Variants in FLNC observed in about 807,000 individuals in gnomAD.
The protein encoded by FLNC is filamin C.
Under a neutral mutation model 254.3 loss-of-function variants are expected in FLNC, and 91 were observed. The observed-to-expected ratio is 0.36, with a 90% CI of 0.30 to 0.43. The LOEUF (loss-of-function observed/expected upper bound fraction) is 0.43, where lower values mean the gene tolerates loss of function less well. Ranked by LOEUF, FLNC falls within the 20% of genes least tolerant of loss-of-function variation. FLNC has a pLI of 1.00. For synonymous variants in FLNC, 1,430 were observed against 1,577.2 expected (o/e 0.91, Z 2.21); for missense variants, 2,853 against 3,802.6 (o/e 0.75, Z 6.57).
At chr7:128,851,710 C>G (rs1808824629) in intron 35 of FLNC, 82 bp downstream of exon 35, 1 of 1,463,246 alleles carries the variant, frequency 6.8e-7, no homozygotes, top group East Asian at 2.3e-5. Context: ...CCAGCCCGTT[C>G]AAGTCACTCG....
chr7:128,857,166 C>A lies in FLNC; in HGVS notation c.7610C>A (p.Ala2537Asp), dbSNP rs1394723230. 1 of 1,614,068 alleles carries A rather than the reference C, an allele frequency of 6.2e-7. No homozygotes were observed. The highest frequency in any genetic ancestry group is 8.5e-7 in the Non-Finnish European group (1 of 1,180,024). ...AACACCCTGAATGCCGGCTCGGGGGCCTTGTCTGTCACCATTGATGGCCCC... is the reference window on the plus strand; with the variant it reads ...AACACCCTGAATGCCGGCTCGGGGGACTTGTCTGTCACCATTGATGGCCCC... ...IVNTLNAGSG[A>D]LSVTIDGPSK... Residue 2537 changes from alanine to aspartate, a missense_variant, in exon 46 of 48, where the codon GCC becomes GAC. By Grantham distance (126) the Ala-to-Asp change is moderately radical. Coordinates refer to ENST00000325888, the MANE Select transcript of FLNC (RefSeq NM_001458.5). This position sits in a 1 kb window ranked among gnomAD's most constrained non-coding sequence, Gnocchi z 4.5.
Position 128,850,915 on chromosome 7 carries a change from G to T in FLNC, c.5511G>T (p.Gly1837=). 6.2e-7 allele frequency: 1 copy of T among 1,611,978 alleles called. No homozygotes were observed. The highest frequency in any genetic ancestry group is 8.5e-7 in the Non-Finnish European group (1 of 1,178,932). Residue 1837 remains glycine (G), a synonymous_variant, in exon 33 of 48, where the codon GGG becomes GGT. Coordinates refer to ENST00000325888, the MANE Select transcript of FLNC (RefSeq NM_001458.5). ...APTEKGLHQM[G]IKYDGNHIPG... is the part of the protein sequence containing the mutation. ...CTGAGAAAGGCCTGCACCAGATGGG[G>T]ATCAAGTATGACGGCAACCACATCC...
chr7:128,847,035 G>A, intron 24 of FLNC, 130 bp downstream of exon 24: 1 of 1,201,970 alleles, frequency 8.3e-7, no homozygotes, highest in Non-Finnish European at 1.2e-6. Flanking sequence ...AGTGGGTTGG[G>A]GCCGGAGCCC....
rs2128938504 is a variant in FLNC at position 128,851,631 on chromosome 7, G to A, written c.5842+3G>A. The A allele has an allele frequency of 1.9e-6, 3 of 1,613,730 alleles. No individual in the cohort carries two copies. The highest frequency in any genetic ancestry group is 1.3e-5 in the African/African-American group (1 of 75,064). On this transcript the variant is annotated splice_donor_region_variant and intron_variant, in intron 35 of 47. Coordinates refer to ENST00000325888, the MANE Select transcript of FLNC (RefSeq NM_001458.5). ...CCCCTTCACAGCCAAGATCACAGGT[G>A]AGGCGGGTGTATGGGCATGTACAGC...
Position 128,857,428 on chromosome 7 carries a change from C to T in FLNC, c.7780+92C>T. ...CCACGCACATCTAGGCCATAGTCTG[C>T]CCCCAGACATCATGGTCAGTTTACC... On this transcript the variant is annotated intron_variant, in intron 46 of 47. Transcript: ENST00000325888. This position sits in a 1 kb window ranked among gnomAD's most constrained non-coding sequence, Gnocchi z 4.5. 2.6e-6 allele frequency: 2 copies of T among 771,300 alleles called. No individual in the cohort carries two copies. The highest frequency in any genetic ancestry group is 4.5e-6 in the Non-Finnish European group (2 of 447,082). 47.8% of individuals were successfully genotyped at this position (771,300 alleles called of 1,614,324 possible). A position where few individuals can be genotyped will look rare whatever the true frequency, so the allele number is the denominator to read the frequency against.
chr7:128,856,346 G>A lies in FLNC; in HGVS notation c.7252-172G>A, dbSNP rs777976506. 3.3e-5 allele frequency among the ~76,000 whole-genome samples: 5 copies of A among 152,210 alleles called. No individual in the cohort carries two copies. The highest frequency in any genetic ancestry group is 2.4e-5 in the African/African-American group (1 of 41,438). ...AGGTGCACACATAGGGTTGCATACCGGACCCTGGCTCCTCCTGCTCCCAGG... is the reference window on the plus strand; with the variant it reads ...AGGTGCACACATAGGGTTGCATACCAGACCCTGGCTCCTCCTGCTCCCAGG... On this transcript the variant is annotated intron_variant, in intron 43 of 47. Transcript: ENST00000325888. This position sits in a 1 kb window ranked among gnomAD's most constrained non-coding sequence, Gnocchi z 5.9.
In FLNC at chr7:128,849,392, G is replaced by T. The variant is rs758959929; in HGVS notation, c.5013G>T (p.Lys1671Asn). 12 of 1,614,044 alleles carry T rather than the reference G, an allele frequency of 7.4e-6. No individual in the cohort carries two copies. Among genetic ancestry groups the T allele is most frequent in the Non-Finnish European group, 1.0e-5 (12 of 1,180,042 alleles). The change falls in exon 30 of 48, where the codon AAG (lysine) becomes AAT (asparagine). Residue 1671 changes from lysine to asparagine, a missense_variant. Lys to Asn is a moderately conservative substitution (Grantham distance 94). This residue lies in a region of FLNC where 258 missense variants were observed against 312.3 expected (regional missense o/e 0.83). Transcript: ENST00000325888. ...AGACGGTGATCACGGTGGATGCCAA[G>T]GCAGCCGGTGAGGGGAAGGTGACAT... The part of the protein sequence containing the change: ...GQETVITVDA[K>N]AAGEGKVTCT...
chr7:128,843,822 T>C lies in FLNC; in HGVS notation c.2838T>C (p.Tyr946=), dbSNP rs769390195. 2.5e-6 allele frequency: 4 copies of C among 1,613,776 alleles called. No homozygotes were observed. The highest frequency in any genetic ancestry group is 2.2e-5 in the East Asian group (1 of 44,900). Reference sequence around the variant, plus strand: ...GCAACATGGCAGTGACAGTGACTTATGGCGGGGACCCTGTCCCCAAGAGCC... The same window carrying C: ...GCAACATGGCAGTGACAGTGACTTACGGCGGGGACCCTGTCCCCAAGAGCC... ...QQGNMAVTVT[Y]GGDPVPKSPF... Residue 946 remains tyrosine (Y), a synonymous_variant, in exon 19 of 48, where the codon TAT becomes TAC. Transcript: ENST00000325888.
In FLNC at chr7:128,851,019, T is replaced by C; in HGVS notation, c.5539+76T>C. ...TAGCTTCAGTCCTGCCTTCCCTCTT[T>C]CAACAAATATTTATTGAGCACCCGC... On this transcript the variant is annotated intron_variant, in intron 33 of 47. Transcript: ENST00000325888. 4 of 1,582,490 alleles carry C rather than the reference T, an allele frequency of 2.5e-6. No homozygotes were observed. In the South Asian group the frequency reaches 4.4e-5, roughly 17 times the overall value.
At chr7:128,854,953 C>G in intron 42 of FLNC, 41 bp downstream of exon 42, 1 of 1,609,708 alleles carries the variant, frequency 6.2e-7, no homozygotes, top group Non-Finnish European at 8.5e-7. Context: ...CCTGCCTGAC[C>G]TTCCAGACTG....
Position 128,855,251 on chromosome 7 carries a change from C to T in FLNC, c.7188C>T (p.Pro2396=). Residue 2396 remains proline (P), a synonymous_variant, in exon 43 of 48, where the codon CCC becomes CCT. Transcript: ENST00000325888. ...ATGATGAGCACATCCCAGACAGCCC[C>T]TTTGTGGTGCCTGTGGCCTCCCTCT... ...KFNDEHIPDS[P]FVVPVASLSD... The T allele has an allele frequency of 6.2e-7, 1 of 1,614,020 alleles. No individual in the cohort carries two copies.
chr7:128,839,675 A>G (rs2128934749), intron 8 of FLNC, among the ~76,000 whole-genome samples: 1 of 152,354 alleles, frequency 6.6e-6, no homozygotes, highest in African/African-American at 2.4e-5. Context: ...CTTAGATCCT[A>G]AGGTTGCTTT....
Position 128,846,882 on chromosome 7 carries a change from C to A in FLNC, c.4265C>A (p.Thr1422Asn), listed in dbSNP as rs1337687550. 1 of 1,614,104 alleles carries A rather than the reference C, an allele frequency of 6.2e-7. No homozygotes were observed. The highest frequency in any genetic ancestry group is 1.3e-5 in the African/African-American group (1 of 74,938). Reference sequence around the variant, plus strand: ...CCTGGAGACTATGACGTCAACATCACCTTCGGGGGGCGGCCCATCCCAGGT... The same window carrying A: ...CCTGGAGACTATGACGTCAACATCAACTTCGGGGGGCGGCCCATCCCAGGT... The part of the protein sequence containing the change: ...FTPGDYDVNI[T>N]FGGRPIPGSP... The change falls in exon 24 of 48, where the codon ACC becomes AAC. Residue 1422 changes from threonine to asparagine, a missense_variant. Thr to Asn is a moderately conservative substitution (Grantham distance 65). Transcript: ENST00000325888.
chr7:128,849,542 G>T lies in FLNC; in HGVS notation c.5163G>T (p.Gly1721=). The T allele has an allele frequency of 1.9e-6, 3 of 1,614,122 alleles. No individual in the cohort carries two copies. The highest frequency in any genetic ancestry group is 2.5e-6 in the Non-Finnish European group (3 of 1,180,022). The change falls in exon 30 of 48, where the codon GGG becomes GGT. Residue 1721 remains glycine (G), a synonymous_variant. Coordinates refer to ENST00000325888, the MANE Select transcript of FLNC (RefSeq NM_001458.5). ...AGTACGTCATCACCATCCGCTTCGGGGGTGAGCACATCCCCAACAGCCCCT... is the reference window on the plus strand; with the variant it reads ...AGTACGTCATCACCATCCGCTTCGGTGGTGAGCACATCCCCAACAGCCCCT... ...PGKYVITIRF[G]GEHIPNSPFH... is the part of the protein sequence containing the mutation.
At position 128,846,789 on chromosome 7, in the gene FLNC, C is replaced by T. The variant is rs755832014; in HGVS notation, c.4172C>T (p.Ser1391Leu). The change falls in exon 24 of 48, where the codon TCG (serine) becomes TTG (leucine). Residue 1391 changes from serine to leucine, a missense_variant. Physicochemically the swap from Ser to Leu is moderately radical, Grantham distance 145. Around this residue, in one of 10 missense-constraint regions of FLNC, gnomAD observed 1,573 missense variants for 1,883.5 expected, o/e 0.84. Transcript: ENST00000325888. ...CTTGGCCTAGCCATCGAGGGTCCCT[C>T]GGAAGCCAAGATGTCCTGCAAGGAC... ...GGLGLAIEGP[S>L]EAKMSCKDNK... is the part of the protein sequence containing the mutation. 2.3e-5 allele frequency: 37 copies of T among 1,614,074 alleles called. No homozygotes were observed. In the South Asian group the frequency reaches 3.4e-4, roughly 15 times the overall value.
chr7:128,848,530 A>C, intron 26 of FLNC, 31 bp from the exon 27 acceptor site: 1 of 1,611,760 alleles, frequency 6.2e-7, no homozygotes, highest in South Asian at 1.1e-5. Flanking sequence ...CATGCCACCC[A>C]GCCAACTGTT....
chr7:128,850,235 C>T, intron 31 of FLNC, 149 bp from the exon 32 acceptor site: 2 of 921,536 alleles, frequency 2.2e-6, no homozygotes, highest in Admixed American at 3.6e-5. Flanking sequence ...GCACAGCACT[C>T]CTTCTCTTGC....
Position 128,847,801 on chromosome 7 carries a change from T to C in FLNC, c.4393T>C (p.Phe1465Leu). The C allele has an allele frequency of 6.2e-7, 1 of 1,613,792 alleles. No homozygotes were observed. The change falls in exon 25 of 48, where the codon TTC (phenylalanine) becomes CTC (leucine). Residue 1465 changes from phenylalanine (F) to leucine (L), a missense_variant. By Grantham distance (22) the Phe-to-Leu change is conservative (BLOSUM62 0). Around this residue, in one of 10 missense-constraint regions of FLNC, gnomAD observed 1,573 missense variants for 1,883.5 expected, o/e 0.84. Transcript: ENST00000325888. ...TGTCAGGGCCCGGGTTCCTCAGACC[T>C]TCACAGTGGATTGCAGTCAAGCTGG... ...AGVRARVPQT[F>L]TVDCSQAGRA... is the part of the protein sequence containing the mutation.
In FLNC at chr7:128,835,147, G is replaced by A. The variant is rs1808045574; in HGVS notation, c.353-179G>A. ...GAGAAGCAGCCTTCTGACCGGAAGG[G>A]CCCCATAAAGAACTTGGCATCTGAG... On this transcript the variant is annotated intron_variant, in intron 1 of 47. Transcript: ENST00000325888. This position sits in a 1 kb window ranked among gnomAD's most constrained non-coding sequence, Gnocchi z 5.3. Among the ~76,000 whole-genome samples, 1 of 152,166 alleles carries A rather than the reference G, an allele frequency of 6.6e-6. No individual in the cohort carries two copies. Among genetic ancestry groups the A allele is most frequent in the Non-Finnish European group, 1.5e-5 (1 of 68,032 alleles).
Sources: allele counts gnomAD v4.1 joint callset (sites outside exome capture counted in the v4.1 genomes callset), GRCh38; gene constraint gnomAD v4.1.1; regional missense constraint gnomAD v4.1.1; non-coding constraint Gnocchi (gnomAD v3.1); transcripts MANE v1.5; gene names NCBI Gene and HGNC (gene_info 2026-07-23, HGNC 2026-07-21).